The following ZNF521 variants were observed in gnomAD, a reference collection of about 807,000 sequenced individuals.
ZNF521 encodes the protein zinc finger protein 521, also known as LYST-interacting protein 3.
Under a neutral mutation model 105.5 loss-of-function variants are expected in ZNF521, and 14 were observed. The ratio of observed to expected loss-of-function variants is 0.13; its 90% CI spans 0.09 to 0.21. ZNF521 has a LOEUF of 0.21. Among genes scored for constraint, ZNF521 ranks in the 10% least tolerant of loss-of-function variants. ZNF521 has a pLI of 1.00. For missense variants in ZNF521, 1,233 were observed against 1,629.7 expected (o/e 0.76, Z 4.19); for synonymous variants, 635 against 606.0 (o/e 1.05, Z -0.70).
At position 25,083,931 on chromosome 18, in the gene ZNF521, A is replaced by ATTTT. The variant is rs56364504; in HGVS notation, c.3906+5530_3906+5533dup. Among the ~76,000 whole-genome samples the ATTTT allele has an allele frequency of 3.3e-3, 192 of 57,880 alleles. 10 individuals carry two copies. The highest frequency in any genetic ancestry group is 4.5e-3 in the South Asian group (5 of 1,102). The allele number at this position is 57,880 out of a possible 152,430, so 38.0% of individuals were successfully genotyped here. ...GACCACAGGCACCTCAACCTGGGTA[A>ATTTT]TTTTTTTTTTTTTTTTTTTTTTTTT... On this transcript the variant is annotated intron_variant, in intron 7 of 7. Transcript: ENST00000361524.
At chr18:25,070,999 G>A (rs1177951771) in intron 7 of ZNF521, among the ~76,000 whole-genome samples, 2 of 152,114 alleles carry the variant, frequency 1.3e-5, no homozygotes, top group Non-Finnish European at 2.9e-5. Flanking sequence ...TTATTGACAG[G>A]TTTAAATTAG....
intron 3 of ZNF521, among the ~76,000 whole-genome samples, chr18:25,255,316 T>C (rs1256175232): frequency 6.6e-6 from 1 of 152,114 alleles, no homozygotes; most frequent in Non-Finnish European, 1.5e-5. Flanking sequence ...TAGTAGGTAA[T>C]GGGTTATATT....
At chr18:25,279,569 AACATAAT>A (rs1436017785) in intron 3 of ZNF521, among the ~76,000 whole-genome samples, 1 of 152,212 alleles carries the variant, frequency 6.6e-6, no homozygotes, top group Non-Finnish European at 1.5e-5. Flanking sequence ...TTGTATAGCA[AACATAAT>A]TTCAAACAAA....
At chr18:25,244,719 A>C (rs1907588755) in intron 3 of ZNF521, among the ~76,000 whole-genome samples, 1 of 152,230 alleles carries the variant, frequency 6.6e-6, no homozygotes, top group African/African-American at 2.4e-5. Context: ...TAAGAGGAGA[A>C]ATTCCAAAAG....
At chr18:25,344,204 T>TAAA (rs200619989) in intron 2 of ZNF521, among the ~76,000 whole-genome samples, 1,921 of 141,296 alleles carry the variant, frequency 0.014, 36 homozygotes, top group African/African-American at 0.033. Context: ...AGTTTTTTAT[T>TAAA]AAAAAAAAAA....
Position 25,227,555 on chromosome 18 carries a change from T to C in ZNF521, c.363A>G (p.Gln121=). Residue 121 remains glutamine, a synonymous_variant, in exon 4 of 8, where the codon CAA becomes CAG. Coordinates refer to ENST00000361524, the MANE Select transcript of ZNF521 (RefSeq NM_015461.3). This position sits in a 1 kb window ranked among gnomAD's most constrained non-coding sequence, Gnocchi z 5.7. ...EGGPGLPYPC[Q]FCDKSFSRLS... ...GGCGGCTAAACGACTTGTCACAGAA[T>C]TGACACGGGTATGGAAGCCCAGGGC... The C allele has an allele frequency of 6.2e-7, 1 of 1,614,162 alleles. No individual in the cohort carries two copies.
intron 4 of ZNF521, among the ~76,000 whole-genome samples, chr18:25,207,123 G>C (rs1459352227): frequency 6.6e-6 from 1 of 152,072 alleles, no homozygotes; most frequent in Non-Finnish European, 1.5e-5. Flanking sequence ...AAAGGTAATA[G>C]CCAAGCTTAT....
At chr18:25,179,887 C>T (rs375369953) in intron 5 of ZNF521, among the ~76,000 whole-genome samples, 14 of 152,084 alleles carry the variant, frequency 9.2e-5, no homozygotes, top group Admixed American at 3.3e-4. Context: ...ACAAAGAAGA[C>T]GACAAAAATT....
At chr18:25,124,449 T>C (rs1350356603) in intron 5 of ZNF521, among the ~76,000 whole-genome samples, 1 of 152,208 alleles carries the variant, frequency 6.6e-6, no homozygotes, top group Non-Finnish European at 1.5e-5. Context: ...AAGCAGATCA[T>C]TTGGTGAAAT....
chr18:25,325,106 A>G (rs1452665775), intron 2 of ZNF521, among the ~76,000 whole-genome samples: 1 of 152,212 alleles, frequency 6.6e-6, no homozygotes, highest in Non-Finnish European at 1.5e-5. Context: ...GTTCGATTAT[A>G]GCCTATGATG....
At chr18:25,110,245 A>G (rs1284108021) in intron 5 of ZNF521, among the ~76,000 whole-genome samples, 1 of 152,154 alleles carries the variant, frequency 6.6e-6, no homozygotes, top group East Asian at 1.9e-4. Flanking sequence ...AACTGAGGCA[A>G]TGGCTGTAAG....
intron 3 of ZNF521, 130 bp downstream of exon 3, chr18:25,321,878 C>T (rs1912949198): frequency 1.1e-6 from 1 of 893,418 alleles, no homozygotes; most frequent in African/African-American, 1.7e-5. Context: ...TCAAAAGCAC[C>T]TCTAGACTTA....
At chr18:25,214,255 T>C (rs1456219421) in intron 4 of ZNF521, among the ~76,000 whole-genome samples, 1 of 152,182 alleles carries the variant, frequency 6.6e-6, no homozygotes, top group African/African-American at 2.4e-5. Flanking sequence ...ATTCTTTTTA[T>C]AGTTATTTTG....
rs117838136 is a variant in ZNF521, at chr18:25,083,498, C to T, written c.3906+5967G>A. 7.1e-3 allele frequency among the ~76,000 whole-genome samples: 1,087 copies of T among 152,240 alleles called. 9 individuals are homozygous for T. The highest frequency in any genetic ancestry group is 0.012 in the Non-Finnish European group (819 of 68,008). ...ACGTTCTGTGAGTGTCTATTATGTT[C>T]TCCGAATTCCATAACCATCCATCCA... is the stretch of plus-strand genomic sequence containing the variant. On this transcript the variant is annotated intron_variant, in intron 7 of 7. Transcript: ENST00000361524.
In ZNF521 at chr18:25,062,156, C is replaced by T. The variant is rs1372827376; in HGVS notation, c.*556G>A. 9.8e-6 allele frequency: 2 copies of T among 203,482 alleles called. No homozygotes were observed. Among genetic ancestry groups the T allele is most frequent in the Non-Finnish European group, 2.0e-5 (2 of 99,350 alleles). 12.6% of individuals were successfully genotyped at this position (203,482 alleles called of 1,614,324 possible). On this transcript the variant is annotated 3_prime_UTR_variant, in exon 8 of 8. Coordinates refer to ENST00000361524, the MANE Select transcript of ZNF521 (RefSeq NM_015461.3). Reference sequence around the variant, plus strand: ...AACAACTATTGCATATATAGTGATGCTACCTGTCACATTGCAAGGCTTACA... The same window carrying T: ...AACAACTATTGCATATATAGTGATGTTACCTGTCACATTGCAAGGCTTACA...
chr18:25,263,396 C>T (rs1388806529), intron 3 of ZNF521, among the ~76,000 whole-genome samples: 2 of 151,492 alleles, frequency 1.3e-5, no homozygotes, highest in East Asian at 1.9e-4. Flanking sequence ...TCACTCTTGT[C>T]GCCCAGGCTG....
chr18:25,261,051 G>A (rs1306470408), intron 3 of ZNF521, among the ~76,000 whole-genome samples: 1 of 152,150 alleles, frequency 6.6e-6, no homozygotes, highest in Non-Finnish European at 1.5e-5. Flanking sequence ...CTTCCAGAGT[G>A]TCACTGCAGT....
chr18:25,324,738 T>C (rs755753656), intron 2 of ZNF521, among the ~76,000 whole-genome samples: 1 of 152,200 alleles, frequency 6.6e-6, no homozygotes, highest in Non-Finnish European at 1.5e-5. Flanking sequence ...CTTTAAGTAC[T>C]ATACAGAGAA....
chr18:25,343,051 G>T (rs1427568402), intron 2 of ZNF521, among the ~76,000 whole-genome samples: 4 of 152,186 alleles, frequency 2.6e-5, no homozygotes, highest in Admixed American at 1.3e-4. Flanking sequence ...AGTTTACTGT[G>T]TGGACTGTTC....
Sources: gnomAD v4.1 joint callset for allele counts (sites outside exome capture counted in the v4.1 genomes callset) on GRCh38, gnomAD v4.1.1 for gene constraint, Gnocchi (gnomAD v3.1) non-coding constraint, MANE v1.5 for transcripts, NCBI Gene and HGNC (gene_info 2026-07-23, HGNC 2026-07-21) for gene names.